CFAP61: variants seen among roughly 807,000 people sequenced by gnomAD.
CFAP61 encodes the protein cilia and flagella associated protein 61, also known as cilia- and flagella-associated protein 61.
In CFAP61, 107 loss-of-function variants were observed where a neutral mutation model predicts 135.6. The ratio of observed to expected loss-of-function variants is 0.79; its 90% confidence interval spans 0.67 to 0.93. CFAP61 has a LOEUF of 0.93. CFAP61 is among the 40% of genes least tolerant of loss of function. The pLI, the probability that CFAP61 is intolerant of heterozygous loss-of-function variation, is 0.00. For synonymous variants in CFAP61, 575 were observed against 578.5 expected, an observed-to-expected ratio of 0.99 and a Z score of 0.09; for missense variants, 1,507 against 1,556.2, an observed-to-expected ratio of 0.97 and a Z score of 0.53.
intron 25 of CFAP61, among the ~76,000 whole-genome samples, chr20:20,330,073 A>G (rs2057925722): frequency 6.6e-6 from 1 of 152,218 alleles, no homozygotes. Flanking sequence ...TATCTAGACC[A>G]GTGATGTCCA....
intron 25 of CFAP61, among the ~76,000 whole-genome samples, chr20:20,305,932 C>T (rs1444823596): frequency 6.6e-6 from 1 of 152,186 alleles, no homozygotes; most frequent in Non-Finnish European, 1.5e-5. Context: ...AGGCCAAACT[C>T]AAATTTTTGA....
chr20:20,082,992 A>G (rs1367304839), intron 6 of CFAP61, among the ~76,000 whole-genome samples: 1 of 151,200 alleles, frequency 6.6e-6, no homozygotes, highest in Non-Finnish European at 1.5e-5. Flanking sequence ...CACTACTGGG[A>G]ATCTACACAA....
intron 17 of CFAP61, among the ~76,000 whole-genome samples, chr20:20,224,898 A>G (rs1250218871): frequency 2.0e-5 from 3 of 152,188 alleles, no homozygotes; most frequent in Admixed American, 2.0e-4. Flanking sequence ...AATTCTGTCT[A>G]TAAAATGTGA....
Position 20,196,509 on chromosome 20 carries a change from C to A in CFAP61, c.1591-61C>A, listed in dbSNP as rs1193537102. On this transcript the variant is annotated intron_variant, in intron 15 of 26. Transcript: ENST00000245957. ...AGTAATTTTTAAAAGATATTTATCA[C>A]AAAATGCATGCCGTTTGTTTAAAAT... The A allele has an allele frequency of 6.3e-6, 8 of 1,270,168 alleles. No individual in the cohort carries two copies. In the Admixed American group the frequency reaches 1.0e-4, roughly 16 times the overall value. 78.7% of individuals were successfully genotyped at this position (1,270,168 alleles called of 1,614,324 possible). A position where few individuals can be genotyped will look rare whatever the true frequency, so the allele number is the denominator to read the frequency against.
rs13039276 is a variant in CFAP61, at chr20:20,165,576, C to T, written c.1206-821C>T. Among the ~76,000 whole-genome samples the T allele has an allele frequency of 1.9e-4, 29 of 152,034 alleles. No homozygotes were observed. In the South Asian group the frequency reaches 5.4e-3, roughly 28 times the overall value. On this transcript the variant is annotated intron_variant, in intron 11 of 26. Transcript: ENST00000245957. The stretch of plus-strand genomic sequence containing the variant: ...GTTCTCCTGTGGTCTGGACACTGGA[C>T]GCTGCCCTCAGTGCCTGGATTCCAC...
At chr20:20,157,404 G>C (rs945624074) in intron 9 of CFAP61, among the ~76,000 whole-genome samples, 2 of 152,154 alleles carry the variant, frequency 1.3e-5, no homozygotes, top group Non-Finnish European at 2.9e-5. Context: ...AATGAAGATA[G>C]TGTAATATAG....
chr20:20,187,874 G>A (rs991716954), intron 13 of CFAP61, 56 bp from the exon 14 acceptor site: 54 of 1,360,980 alleles, frequency 4.0e-5, no homozygotes, highest in Non-Finnish European at 5.2e-5. Flanking sequence ...GTCTCCATTT[G>A]GGGGGAATAC....
At chr20:20,181,217 A>G (rs570659139) in intron 13 of CFAP61, among the ~76,000 whole-genome samples, 3 of 85,260 alleles carry the variant, frequency 3.5e-5, no homozygotes, top group South Asian at 9.1e-4. Flanking sequence ...ATATATACAT[A>G]TGTGTATATA....
chr20:20,242,780 G>A lies in CFAP61; in HGVS notation c.2061-3337G>A, dbSNP rs150228329. Among the ~76,000 whole-genome samples, 24 of 152,304 alleles carry A rather than the reference G, an allele frequency of 1.6e-4. No individual in the cohort carries two copies. In the East Asian group the frequency reaches 2.9e-3, roughly 18 times the overall value. On this transcript the variant is annotated intron_variant, in intron 18 of 26. Transcript: ENST00000245957. ...AAAAGGAATCCTCTAGAATTTCCTCGCAGATGACACTTTTTGGTATCCTGA... is the reference window on the plus strand; with the variant it reads ...AAAAGGAATCCTCTAGAATTTCCTCACAGATGACACTTTTTGGTATCCTGA...
chr20:20,143,418 CT>C (rs1183550248), intron 9 of CFAP61, among the ~76,000 whole-genome samples: 1 of 152,090 alleles, frequency 6.6e-6, no homozygotes, highest in East Asian at 1.9e-4. Flanking sequence ...AGATGTGAGT[CT>C]TTTAAAGAAG....
intron 22 of CFAP61, among the ~76,000 whole-genome samples, chr20:20,280,192 T>C (rs1218657402): frequency 6.6e-6 from 1 of 152,156 alleles, no homozygotes; most frequent in African/African-American, 2.4e-5. Flanking sequence ...ATAGAGAGAT[T>C]TGATGGCATA....
At chr20:20,132,367 TTTAGTTTAATTGCA>T (rs1355038047) in intron 8 of CFAP61, among the ~76,000 whole-genome samples, 1 of 152,104 alleles carries the variant, frequency 6.6e-6, no homozygotes, top group Non-Finnish European at 1.5e-5. Flanking sequence ...TTTACTAGGC[TTTAGTTTAATTGCA>T]TTGCAGTCAG....
intron 17 of CFAP61, among the ~76,000 whole-genome samples, chr20:20,202,101 G>A (rs1475856304): frequency 6.6e-6 from 1 of 151,974 alleles, no homozygotes; most frequent in Non-Finnish European, 1.5e-5. Flanking sequence ...TTCCCAGGTT[G>A]CTATGATCCG....
At chr20:20,175,050 T>C (rs548169897) in intron 13 of CFAP61, among the ~76,000 whole-genome samples, 90 of 152,296 alleles carry the variant, frequency 5.9e-4, no homozygotes, top group African/African-American at 2.1e-3. Context: ...CCAGGGTCCT[T>C]TGTAAGTCAG....
chr20:20,297,241 T>C (rs192677111), intron 24 of CFAP61, among the ~76,000 whole-genome samples: 2 of 152,336 alleles, frequency 1.3e-5, no homozygotes, highest in Admixed American at 1.3e-4. Flanking sequence ...CCAGGTGATG[T>C]CCAGGACTAA....
intron 2 of CFAP61, among the ~76,000 whole-genome samples, chr20:20,067,644 AATAT>A (rs71988476): frequency 6.2e-5 from 8 of 129,874 alleles, no homozygotes; most frequent in South Asian, 4.9e-4. Context: ...TCCATCTCAA[AATAT>A]ATATATATAT....
chr20:20,132,328 A>T (rs772715617), intron 8 of CFAP61, among the ~76,000 whole-genome samples: 1 of 152,016 alleles, frequency 6.6e-6, no homozygotes, highest in Non-Finnish European at 1.5e-5. Context: ...TCCATCCAGG[A>T]TATCCTCGTT....
At chr20:20,078,213 C>T (rs1275664464) in intron 6 of CFAP61, among the ~76,000 whole-genome samples, 1 of 152,196 alleles carries the variant, frequency 6.6e-6, no homozygotes, top group Non-Finnish European at 1.5e-5. Flanking sequence ...CATGACCGAC[C>T]ACCCAATCCC....
intron 8 of CFAP61, among the ~76,000 whole-genome samples, chr20:20,131,110 C>T (rs561625763): frequency 6.6e-5 from 10 of 151,906 alleles, no homozygotes; most frequent in Admixed American, 3.3e-4. Flanking sequence ...GTCTGATTCT[C>T]TTACCATCTA....
Sources: allele counts gnomAD v4.1 joint callset (sites outside exome capture counted in the v4.1 genomes callset), GRCh38; gene constraint gnomAD v4.1.1; transcripts MANE v1.5; gene names NCBI Gene and HGNC (gene_info 2026-07-23, HGNC 2026-07-21).